The following TMEM50A variants were observed in gnomAD, a reference collection of about 807,000 sequenced individuals.
The protein encoded by TMEM50A is transmembrane protein 50A.
TMEM50A carries 8 observed loss-of-function variants against 23.9 expected under a neutral mutation model. That is an observed-to-expected ratio of 0.33 (90% CI 0.20 to 0.60). TMEM50A has a LOEUF of 0.60. Ranked by LOEUF, TMEM50A falls within the 20% of genes least tolerant of loss-of-function variation. The pLI is 0.81. For missense variants in TMEM50A, 178 were observed against 192.7 expected (o/e 0.92, Z 0.45); for synonymous variants, 55 against 60.4 (o/e 0.91, Z 0.41).
rs530430708 is a variant in TMEM50A, at chr1:25,346,285, T to A, written c.206+3212T>A. On this transcript the variant is annotated intron_variant, in intron 3 of 6. Transcript: ENST00000374358. Reference sequence around the variant, plus strand: ...TTCTTTTCTTTTCATGTTAGACGTGTAAGGTGCTGATGTAAGAACAAGGTT... The same window carrying A: ...TTCTTTTCTTTTCATGTTAGACGTGAAAGGTGCTGATGTAAGAACAAGGTT... Among the ~76,000 whole-genome samples the A allele has an allele frequency of 2.0e-3, 298 of 152,176 alleles. 1 individual carries two copies. Among genetic ancestry groups the A allele is most frequent in the African/African-American group, 6.9e-3 (287 of 41,514 alleles).
At chr1:25,346,965 G>A (rs1645224635) in intron 3 of TMEM50A, among the ~76,000 whole-genome samples, 1 of 152,148 alleles carries the variant, frequency 6.6e-6, no homozygotes, top group Non-Finnish European at 1.5e-5. Context: ...ATTACAGTGA[G>A]CCAAGATCAC....
At chr1:25,357,576 GTTGTT>G (rs1420375342) in intron 6 of TMEM50A, among the ~76,000 whole-genome samples, 2 of 147,434 alleles carry the variant, frequency 1.4e-5, no homozygotes, top group East Asian at 2.0e-4. Flanking sequence ...GTGTGTGTGT[GTTGTT>G]TTGAGACAGA....
At chr1:25,358,944 G>A (rs1368783758) in intron 6 of TMEM50A, among the ~76,000 whole-genome samples, 7 of 152,182 alleles carry the variant, frequency 4.6e-5, no homozygotes, top group South Asian at 4.1e-4. Context: ...TTGTAGAGAC[G>A]GGGTTTTGCC....
At chr1:25,358,001 G>A (rs1380384193) in intron 6 of TMEM50A, among the ~76,000 whole-genome samples, 2 of 145,298 alleles carry the variant, frequency 1.4e-5, no homozygotes, top group African/African-American at 5.2e-5. Flanking sequence ...AGGCTGGAAT[G>A]CAGTGGCGTG....
intron 1 of TMEM50A, among the ~76,000 whole-genome samples, chr1:25,339,456 A>G (rs1645143652): frequency 6.6e-6 from 1 of 152,234 alleles, no homozygotes; most frequent in Non-Finnish European, 1.5e-5. Flanking sequence ...TGTTCTTTAT[A>G]TAGAAATGAC....
Position 25,361,602 on chromosome 1 carries a change from C to G in TMEM50A, c.*897C>G, listed in dbSNP as rs113840661. The G allele has an allele frequency of 2.0e-5, 3 of 152,466 alleles. No homozygotes were observed. The highest frequency in any genetic ancestry group is 7.2e-5 in the African/African-American group (3 of 41,558). 9.4% of individuals were successfully genotyped at this position (152,466 alleles called of 1,614,324 possible). ...CTACTGGGAACTCTTGTTGTCTCTTCCTCTTCAGAACTCTTGTCCCCCCAG... is the reference window on the plus strand; with the variant it reads ...CTACTGGGAACTCTTGTTGTCTCTTGCTCTTCAGAACTCTTGTCCCCCCAG... On this transcript the variant is annotated 3_prime_UTR_variant, in exon 7 of 7. Coordinates refer to ENST00000374358, the MANE Select transcript of TMEM50A (RefSeq NM_014313.4).
intron 5 of TMEM50A, among the ~76,000 whole-genome samples, chr1:25,354,829 T>C (rs892546484): frequency 3.3e-5 from 5 of 152,102 alleles, no homozygotes; most frequent in African/African-American, 9.7e-5. Flanking sequence ...TGGAGTGCAG[T>C]GATGCGATCT....
intron 1 of TMEM50A, among the ~76,000 whole-genome samples, chr1:25,339,989 T>C (rs1207545487): frequency 6.6e-6 from 1 of 152,130 alleles, no homozygotes; most frequent in Non-Finnish European, 1.5e-5. Flanking sequence ...CAGGCTGGAG[T>C]GCAGTGGCAC....
intron 6 of TMEM50A, 126 bp from the exon 7 acceptor site, chr1:25,360,534 C>A: frequency 1.0e-6 from 1 of 971,000 alleles, no homozygotes; most frequent in Non-Finnish European, 1.6e-6. Context: ...TGATACATTT[C>A]GTACCAAAAT....
chr1:25,349,753 C>A (rs1456372559), intron 3 of TMEM50A, among the ~76,000 whole-genome samples: 1 of 152,184 alleles, frequency 6.6e-6, no homozygotes, highest in Non-Finnish European at 1.5e-5. Flanking sequence ...CCAGGCCTGA[C>A]CTAAACACAT....
At chr1:25,360,150 C>T (rs1370957193) in intron 6 of TMEM50A, among the ~76,000 whole-genome samples, 1 of 152,064 alleles carries the variant, frequency 6.6e-6, no homozygotes, top group Non-Finnish European at 1.5e-5. Flanking sequence ...GAGATCGAGA[C>T]CATCTTGGCT....
At chr1:25,344,497 AT>A (rs1196069918) in intron 3 of TMEM50A, among the ~76,000 whole-genome samples, 1 of 151,990 alleles carries the variant, frequency 6.6e-6, no homozygotes, top group Non-Finnish European at 1.5e-5. Flanking sequence ...AGTTTGCTTC[AT>A]ACTTGGGCTG....
intron 3 of TMEM50A, among the ~76,000 whole-genome samples, chr1:25,348,501 A>G (rs868811923): frequency 7.9e-5 from 12 of 152,160 alleles, no homozygotes; most frequent in African/African-American, 2.7e-4. Flanking sequence ...CCTGGCCAAC[A>G]TGATGAAGCC....
chr1:25,354,374 A>C (rs1357310760), intron 5 of TMEM50A, among the ~76,000 whole-genome samples: 1 of 152,208 alleles, frequency 6.6e-6, no homozygotes, highest in East Asian at 1.9e-4. Context: ...GCACTTCAGG[A>C]GGCCAAGGAG....
At chr1:25,349,898 G>A (rs536916307) in intron 3 of TMEM50A, among the ~76,000 whole-genome samples, 166 of 152,186 alleles carry the variant, frequency 1.1e-3, no homozygotes, top group Middle Eastern at 3.4e-3. Context: ...CAACTAAATG[G>A]GTATATATAT....
At chr1:25,340,416 G>T in intron 1 of TMEM50A, 58 bp from the exon 2 acceptor site, 3 of 1,184,672 alleles carry the variant, frequency 2.5e-6, no homozygotes, top group Non-Finnish European at 3.7e-6. Flanking sequence ...ATTATTTTTC[G>T]GGCTTGAAGC....
intron 6 of TMEM50A, 47 bp from the exon 7 acceptor site, chr1:25,360,611 CTT>C: frequency 6.2e-7 from 1 of 1,603,522 alleles, no homozygotes; most frequent in Non-Finnish European, 8.5e-7. Flanking sequence ...CTCACATACT[CTT>C]TTCTCAAATT....
intron 3 of TMEM50A, among the ~76,000 whole-genome samples, chr1:25,350,001 C>A (rs903535622): frequency 6.6e-6 from 1 of 152,176 alleles, no homozygotes; most frequent in Non-Finnish European, 1.5e-5. Context: ...CTAAAGAAAG[C>A]AAGCCTATCT....
chr1:25,361,980 C>T lies in TMEM50A; in HGVS notation c.*1275C>T, dbSNP rs190777401. ...GAAATTTAAACGACTTCCTCACGGTCACAGAACTAGTTTTTTAATCCTCAG... is the reference window on the plus strand; with the variant it reads ...GAAATTTAAACGACTTCCTCACGGTTACAGAACTAGTTTTTTAATCCTCAG... On this transcript the variant is annotated 3_prime_UTR_variant, in exon 7 of 7. Coordinates refer to ENST00000374358, the MANE Select transcript of TMEM50A (RefSeq NM_014313.4). 28 of 178,222 alleles carry T rather than the reference C, an allele frequency of 1.6e-4. No homozygotes were observed. The highest frequency in any genetic ancestry group is 2.8e-4 in the Non-Finnish European group (23 of 83,516). 11.0% of individuals were successfully genotyped at this position (178,222 alleles called of 1,614,324 possible).
Sources: allele counts gnomAD v4.1 joint callset (sites outside exome capture counted in the v4.1 genomes callset), GRCh38; gene constraint gnomAD v4.1.1; transcripts MANE v1.5; gene names NCBI Gene and HGNC (gene_info 2026-07-23, HGNC 2026-07-21).